Variants in NDRG4 observed in about 807,000 individuals in gnomAD.
NDRG4 encodes protein NDRG4.
In NDRG4, 38 loss-of-function variants were observed where a neutral mutation model predicts 55.8. The observed-to-expected ratio is 0.68, with a 90% CI of 0.53 to 0.89. The LOEUF (loss-of-function observed/expected upper bound fraction) is 0.89, where lower values mean the gene tolerates loss of function less well. NDRG4 is among the 40% of genes least tolerant of loss of function. NDRG4 has a pLI of 0.00. For missense variants in NDRG4, 455 were observed against 468.6 expected (o/e 0.97, Z 0.27); for synonymous variants, 190 against 182.7 (o/e 1.04, Z -0.32).
At chr16:58,484,317 G>A (rs2034818172) in intron 1 of NDRG4, among the ~76,000 whole-genome samples, 1 of 152,146 alleles carries the variant, frequency 6.6e-6, no homozygotes, top group African/African-American at 2.4e-5. Flanking sequence ...AGGCTGCAGT[G>A]AGCTGAGATC....
Position 58,504,177 on chromosome 16 carries a change from T to G in NDRG4, c.151T>G (p.Phe51Val). 1.2e-6 allele frequency: 2 copies of G among 1,614,206 alleles called. No individual in the cohort carries two copies. The highest frequency in any genetic ancestry group is 1.7e-6 in the Non-Finnish European group (2 of 1,180,042). ...LNHKLCFNTFFNFEDMQEITK... is the reference protein window; with the variant it reads ...LNHKLCFNTFVNFEDMQEITK... ...AGACAAACTATGCTTCAACACCTTCTTCAACTTCGAGGACATGCAGGAGAT... is the reference window on the plus strand; with the variant it reads ...AGACAAACTATGCTTCAACACCTTCGTCAACTTCGAGGACATGCAGGAGAT... Residue 51 changes from phenylalanine (F) to valine (V), a missense_variant, in exon 3 of 15, where the codon TTC becomes GTC. Phe to Val is a conservative substitution (Grantham distance 50, BLOSUM62 -1). Coordinates refer to ENST00000570248, the MANE Select transcript of NDRG4 (RefSeq NM_001242835.2).
At position 58,483,144 on chromosome 16, in the gene NDRG4, G is replaced by A. The variant is rs187410485; in HGVS notation, c.-23-4612G>A. ...CTACCACTGCTGAATTTGTTCTCCC[G>A]ATTCAGCAATTGCTTTTTTCTGTAG... On this transcript the variant is annotated intron_variant, in intron 1 of 15. Transcript: ENST00000258187. Among the ~76,000 whole-genome samples, 211 of 152,160 alleles carry A rather than the reference G, an allele frequency of 1.4e-3. 4 individuals are homozygous for A. Among genetic ancestry groups the A allele is most frequent in the Admixed American group, 9.5e-3 (145 of 15,276 alleles).
intron 1 of NDRG4, among the ~76,000 whole-genome samples, chr16:58,470,659 C>A (rs1195768571): frequency 2.0e-5 from 3 of 151,858 alleles, no homozygotes; most frequent in African/African-American, 4.8e-5. Flanking sequence ...GTAATCCCAG[C>A]ACTTTGGGAG....
chr16:58,465,739 A>T (rs1047415128), intron 1 of NDRG4, among the ~76,000 whole-genome samples: 6 of 152,198 alleles, frequency 3.9e-5, no homozygotes, highest in African/African-American at 1.2e-4. Flanking sequence ...TCTTTACAAA[A>T]AAATAAATAA....
At chr16:58,487,776 A>C (rs749019878) in exon 2 of NDRG4, 8 of 1,543,500 alleles carry the variant, frequency 5.2e-6, no homozygotes, top group African/African-American at 1.4e-5. Flanking sequence ...CCACGACGTG[A>C]CCATGGCCGG....
At chr16:58,502,379 C>T (rs1267833520) in intron 1 of NDRG4, among the ~76,000 whole-genome samples, 1 of 152,070 alleles carries the variant, frequency 6.6e-6, no homozygotes, top group Non-Finnish European at 1.5e-5. Context: ...CATGGCTCAC[C>T]CTAAGGCTCA....
At chr16:58,508,820 G>T in intron 10 of NDRG4, 142 bp from the exon 11 acceptor site, 1 of 835,086 alleles carries the variant, frequency 1.2e-6, no homozygotes, top group South Asian at 1.6e-5. Context: ...AAGCCTGGGA[G>T]GAGCAGCCTG....
At chr16:58,492,698 C>T (rs569226440) in intron 2 of NDRG4, among the ~76,000 whole-genome samples, 6 of 152,134 alleles carry the variant, frequency 3.9e-5, no homozygotes, top group Non-Finnish European at 8.8e-5. Flanking sequence ...TGAGTGACCA[C>T]GCCCGGCCTT....
At chr16:58,480,987 C>T (rs2034311184) in intron 1 of NDRG4, among the ~76,000 whole-genome samples, 1 of 147,644 alleles carries the variant, frequency 6.8e-6, no homozygotes, top group Middle Eastern at 3.6e-3. Flanking sequence ...CCAGCCTGGG[C>T]GACAGAGTGA....
At chr16:58,489,679 G>A (rs2035542154) in intron 2 of NDRG4, among the ~76,000 whole-genome samples, 1 of 151,996 alleles carries the variant, frequency 6.6e-6, no homozygotes, top group Admixed American at 6.6e-5. Flanking sequence ...TCTCCCCAGT[G>A]CCTCACACAG....
intron 1 of NDRG4, among the ~76,000 whole-genome samples, chr16:58,486,785 C>T (rs957900749): frequency 1.3e-5 from 2 of 151,704 alleles, no homozygotes; most frequent in Non-Finnish European, 2.9e-5. Context: ...CTCTGAGGTT[C>T]AGAAACCCCT....
Position 58,511,528 on chromosome 16 carries a change from C to T in NDRG4, c.1011C>T (p.Ser337=), listed in dbSNP as rs1228309239. ...SRPQACTHSE[S]SEGLGQVNHT... Reference sequence around the variant, plus strand: ...CACAGGCCTGCACCCACTCAGAGAGCAGCGAGGGGCTGGGCCAGGTCAACC... The same window carrying T: ...CACAGGCCTGCACCCACTCAGAGAGTAGCGAGGGGCTGGGCCAGGTCAACC... Residue 337 remains serine (S), a synonymous_variant, in exon 15 of 15, where the codon AGC becomes AGT. Transcript: ENST00000570248. The T allele has an allele frequency of 6.2e-7, 1 of 1,613,070 alleles. No homozygotes were observed. Among genetic ancestry groups the T allele is most frequent in the South Asian group, 1.1e-5 (1 of 91,088 alleles).
chr16:58,486,221 G>A (rs2035063093), intron 1 of NDRG4, among the ~76,000 whole-genome samples: 1 of 152,152 alleles, frequency 6.6e-6, no homozygotes, highest in Admixed American at 6.5e-5. Context: ...GAGTGCAGTG[G>A]TGCAATCATA....
intron 2 of NDRG4, among the ~76,000 whole-genome samples, chr16:58,492,545 TGTGTGTGAGA>T (rs2035924614): frequency 4.7e-5 from 2 of 42,750 alleles, no homozygotes; most frequent in South Asian, 6.5e-4. Context: ...TGTGTGTGTG[TGTGTGTGAGA>T]GACAGACAGA....
rs189305203 is a variant in NDRG4, at chr16:58,512,184, A to G, written c.*608A>G. On this transcript the variant is annotated 3_prime_UTR_variant, in exon 15 of 15. Coordinates refer to ENST00000570248, the MANE Select transcript of NDRG4 (RefSeq NM_001242835.2). Reference sequence around the variant, plus strand: ...GTCAAGGGGTTTCTCTGCCCAAGGAAGACAGAACATGGAGAACCGTCAGGG... The same window carrying G: ...GTCAAGGGGTTTCTCTGCCCAAGGAGGACAGAACATGGAGAACCGTCAGGG... The G allele has an allele frequency of 1.2e-3, 533 of 445,402 alleles. 5 individuals carry two copies. The highest frequency in any genetic ancestry group is 9.5e-3 in the African/African-American group (473 of 50,016). The allele number at this position is 445,402 out of a possible 1,614,324, so 27.6% of individuals were successfully genotyped here. A position where few individuals can be genotyped will look rare whatever the true frequency, so the allele number is the denominator to read the frequency against.
chr16:58,490,068 C>G (rs192539669), intron 2 of NDRG4, among the ~76,000 whole-genome samples: 196 of 152,310 alleles, frequency 1.3e-3, no homozygotes, highest in African/African-American at 4.6e-3. Flanking sequence ...TCTTGAACTT[C>G]TGGGTGCAAG....
intron 1 of NDRG4, among the ~76,000 whole-genome samples, chr16:58,469,267 G>A (rs1446326716): frequency 6.6e-6 from 1 of 152,070 alleles, no homozygotes; most frequent in African/African-American, 2.4e-5. Context: ...CTGCTTCTCC[G>A]CTTCACTGGG....
At position 58,474,448 on chromosome 16, in the gene NDRG4, C is replaced by T. The variant is rs184650113; in HGVS notation, c.-24+10651C>T. ...TGCCCTGAGTGCCCTTCCCGGACAT[C>T]CCAACGCTCGCTCCTGGATCTCCTT... On this transcript the variant is annotated intron_variant, in intron 1 of 15. Transcript: ENST00000258187. 2.6e-5 allele frequency among the ~76,000 whole-genome samples: 4 copies of T among 152,274 alleles called. No individual in the cohort carries two copies. The East Asian group carries it at 7.7e-4, about 29-fold the overall frequency.
At chr16:58,514,461 G>A (rs2151871208), downstream of NDRG4, among the ~76,000 whole-genome samples, 1 of 138,670 alleles carries the variant, frequency 7.2e-6, no homozygotes, top group East Asian at 3.5e-4. Context: ...ACCAGGCCGC[G>A]CGCGGTGGCT....
Sources: gnomAD v4.1 joint callset for allele counts (sites outside exome capture counted in the v4.1 genomes callset) on GRCh38, gnomAD v4.1.1 for gene constraint, MANE v1.5 for transcripts, NCBI Gene and HGNC (gene_info 2026-07-23, HGNC 2026-07-21) for gene names.